The following ARNT2 variants were observed in gnomAD, a reference collection of about 807,000 sequenced individuals.
ARNT2 encodes ARNT protein 2.
ARNT2 carries 36 observed loss-of-function variants against 91.7 expected under a neutral mutation model. The observed-to-expected ratio is 0.39, with a 90% CI of 0.30 to 0.52. ARNT2 has a LOEUF of 0.52. Ranked by LOEUF, ARNT2 falls within the 20% of genes least tolerant of loss-of-function variation. ARNT2 has a pLI of 0.72. For missense variants in ARNT2, 775 were observed against 939.3 expected (o/e 0.83, Z 2.29); for synonymous variants, 365 against 347.1 (o/e 1.05, Z -0.57).
intron 15 of ARNT2, among the ~76,000 whole-genome samples, chr15:80,579,737 G>C (rs1041068945): frequency 1.3e-5 from 2 of 152,200 alleles, no homozygotes; most frequent in African/African-American, 4.8e-5. Context: ...GAAGCGCCTG[G>C]TGGTACAGAC....
chr15:80,451,639 CAACT>C (rs1480216986), intron 2 of ARNT2, among the ~76,000 whole-genome samples: 2 of 152,014 alleles, frequency 1.3e-5, no homozygotes, highest in Admixed American at 1.3e-4. Context: ...ACCAACCAAC[CAACT>C]AACCAACCAA....
chr15:80,417,900 C>T (rs1307505903), intron 1 of ARNT2, among the ~76,000 whole-genome samples: 3 of 152,108 alleles, frequency 2.0e-5, no homozygotes, highest in East Asian at 1.9e-4. Context: ...ACCAGGGGAC[C>T]GTAGTGTGTG....
intron 8 of ARNT2, among the ~76,000 whole-genome samples, chr15:80,518,053 C>G (rs1159507523): frequency 1.3e-5 from 2 of 151,838 alleles, no homozygotes; most frequent in East Asian, 1.9e-4. Context: ...GTTAGTATGC[C>G]TTGTAATTCT....
At chr15:80,488,894 A>C (rs181715671) in intron 5 of ARNT2, among the ~76,000 whole-genome samples, 5 of 152,302 alleles carry the variant, frequency 3.3e-5, no homozygotes, top group Non-Finnish European at 7.4e-5. Context: ...TTGATTTCCT[A>C]ATGAAGTATC....
At chr15:80,503,695 G>A (rs749900867) in intron 5 of ARNT2, among the ~76,000 whole-genome samples, 14 of 152,226 alleles carry the variant, frequency 9.2e-5, no homozygotes, top group Non-Finnish European at 1.9e-4. Flanking sequence ...ACAGACAGGT[G>A]TCAAACCTGG....
chr15:80,584,050 G>A (rs1481753233), intron 17 of ARNT2, among the ~76,000 whole-genome samples: 1 of 152,240 alleles, frequency 6.6e-6, no homozygotes, highest in Non-Finnish European at 1.5e-5. Context: ...TAGGATGCAG[G>A]GAGAGTGTGT....
chr15:80,555,251 A>G, intron 11 of ARNT2, 112 bp downstream of exon 11: 1 of 1,116,754 alleles, frequency 9.0e-7, no homozygotes, highest in South Asian at 1.4e-5. Flanking sequence ...GGTCCTACCT[A>G]TGGCCTCACT....
At chr15:80,440,934 A>G (rs559685017) in intron 1 of ARNT2, among the ~76,000 whole-genome samples, 7 of 152,346 alleles carry the variant, frequency 4.6e-5, no homozygotes, top group African/African-American at 1.7e-4. Context: ...ATTGTGCTAT[A>G]AAAATGCTAC....
At chr15:80,534,513 C>T (rs1003271367) in intron 8 of ARNT2, among the ~76,000 whole-genome samples, 1 of 152,186 alleles carries the variant, frequency 6.6e-6, no homozygotes, top group African/African-American at 2.4e-5. Context: ...TGACAATATT[C>T]TAGCACTTCT....
At chr15:80,590,813 A>G (rs2141488651) in intron 17 of ARNT2, among the ~76,000 whole-genome samples, 1 of 152,302 alleles carries the variant, frequency 6.6e-6, no homozygotes, top group African/African-American at 2.4e-5. Context: ...TTTTGTATAA[A>G]CTGTAGACAG....
At chr15:80,419,770 G>T (rs1188389942) in intron 1 of ARNT2, among the ~76,000 whole-genome samples, 1 of 152,226 alleles carries the variant, frequency 6.6e-6, no homozygotes, top group Non-Finnish European at 1.5e-5. Context: ...AAGCTGAACA[G>T]ACACCATGCC....
intron 8 of ARNT2, among the ~76,000 whole-genome samples, chr15:80,538,481 A>G (rs1237013196): frequency 6.6e-6 from 1 of 152,200 alleles, no homozygotes; most frequent in Non-Finnish European, 1.5e-5. Context: ...GTACAAAGGA[A>G]CCTGTCCCAA....
At chr15:80,505,927 G>GTTTTTTT (rs1161520898) in intron 5 of ARNT2, among the ~76,000 whole-genome samples, 1,045 of 88,830 alleles carry the variant, frequency 0.012, 110 homozygotes, top group South Asian at 0.045. Context: ...AACATTTGTT[G>GTTTTTTT]TTTTTTTTTT....
At chr15:80,512,918 C>T (rs1271133830) in intron 6 of ARNT2, among the ~76,000 whole-genome samples, 1 of 152,142 alleles carries the variant, frequency 6.6e-6, no homozygotes, top group Non-Finnish European at 1.5e-5. Context: ...ATAACATTTT[C>T]CTCCAAATGA....
chr15:80,410,159 G>C (rs1477846709), intron 1 of ARNT2, among the ~76,000 whole-genome samples: 1 of 152,200 alleles, frequency 6.6e-6, no homozygotes, highest in Non-Finnish European at 1.5e-5. Flanking sequence ...ACTTAGGTCA[G>C]GGGCTGTCAG....
chr15:80,503,266 G>C (rs543216022), intron 5 of ARNT2, among the ~76,000 whole-genome samples: 50 of 152,310 alleles, frequency 3.3e-4, no homozygotes, highest in South Asian at 8.3e-4. Context: ...CCCAGTGCTG[G>C]GGCGATGGCC....
At chr15:80,456,993 G>A (rs1896490644) in intron 2 of ARNT2, among the ~76,000 whole-genome samples, 1 of 152,178 alleles carries the variant, frequency 6.6e-6, no homozygotes, top group Admixed American at 6.5e-5. Context: ...TTCTCTCCAA[G>A]GAGCTCCACT....
chr15:80,541,781 A>G (rs1234445246), intron 8 of ARNT2, among the ~76,000 whole-genome samples: 4 of 152,256 alleles, frequency 2.6e-5, no homozygotes, highest in Admixed American at 6.5e-5. Context: ...CAATATGTAG[A>G]TTGCACAGTC....
intron 5 of ARNT2, among the ~76,000 whole-genome samples, chr15:80,494,553 T>C (rs1897099362): frequency 6.6e-6 from 1 of 152,196 alleles, no homozygotes; most frequent in South Asian, 2.1e-4. Flanking sequence ...GAATTTGTAC[T>C]TTTGTCTACA....
Sources: allele counts gnomAD v4.1 joint callset (sites outside exome capture counted in the v4.1 genomes callset), GRCh38; gene constraint gnomAD v4.1.1; transcripts MANE v1.5; gene names NCBI Gene and HGNC (gene_info 2026-07-23, HGNC 2026-07-21).